The following GRM7 variants were observed in gnomAD, a reference collection of about 807,000 sequenced individuals.
The protein encoded by GRM7 is metabotropic glutamate receptor 7.
A neutral mutation model predicts 84.5 loss-of-function variants in GRM7; 35 were observed. The observed-to-expected ratio is 0.41, with a 90% CI of 0.32 to 0.55. The LOEUF (loss-of-function observed/expected upper bound fraction) is 0.55. GRM7 is among the 20% of genes least tolerant of loss of function. GRM7 has a pLI of 0.19. For synonymous variants in GRM7, 487 were observed against 455.1 expected, an observed-to-expected ratio of 1.07 and a Z score of -0.89; for missense variants, 1,003 against 1,194.6, an observed-to-expected ratio of 0.84 and a Z score of 2.36.
chr3:6,869,702 A>G lies in GRM7; in HGVS notation c.519+7795A>G, dbSNP rs114419488. 6.6e-3 allele frequency among the ~76,000 whole-genome samples: 1,003 copies of G among 152,250 alleles called. 11 individuals are homozygous for G. The highest frequency in any genetic ancestry group is 0.023 in the African/African-American group (937 of 41,538). On this transcript the variant is annotated intron_variant, in intron 1 of 9. Coordinates refer to ENST00000357716, the MANE Select transcript of GRM7 (RefSeq NM_000844.4). ...ACACACACACGTGCACAGAGAGAAC[A>G]TTTTAGTGACGTTACTCAGTGGAAT...
At chr3:7,108,671 G>C (rs1260784441) in intron 1 of GRM7, among the ~76,000 whole-genome samples, 1 of 152,016 alleles carries the variant, frequency 6.6e-6, no homozygotes, top group Non-Finnish European at 1.5e-5. Context: ...CACCACACCA[G>C]ATTAGAGGCC....
At chr3:6,896,970 G>A (rs1472585701) in intron 1 of GRM7, among the ~76,000 whole-genome samples, 1 of 152,146 alleles carries the variant, frequency 6.6e-6, no homozygotes, top group Non-Finnish European at 1.5e-5. Flanking sequence ...TTATTTGTTT[G>A]CCTAAGTGTT....
At chr3:7,327,638 T>G (rs1343597384) in intron 4 of GRM7, among the ~76,000 whole-genome samples, 1 of 152,220 alleles carries the variant, frequency 6.6e-6, no homozygotes, top group Non-Finnish European at 1.5e-5. Context: ...ATTCCTAAAA[T>G]TGGAAGGCAG....
intron 2 of GRM7, among the ~76,000 whole-genome samples, chr3:7,236,101 G>C (rs980006913): frequency 2.0e-5 from 3 of 152,036 alleles, no homozygotes; most frequent in African/African-American, 7.3e-5. Flanking sequence ...GGACTAACTG[G>C]CTCCCTCCTC....
At chr3:7,472,536 C>G (rs1031250823) in intron 7 of GRM7, among the ~76,000 whole-genome samples, 1 of 152,178 alleles carries the variant, frequency 6.6e-6, no homozygotes, top group Non-Finnish European at 1.5e-5. Context: ...GTAAGTGATG[C>G]TAACATCATA....
intron 8 of GRM7, among the ~76,000 whole-genome samples, chr3:7,621,039 T>C (rs1697332943): frequency 6.6e-6 from 1 of 152,136 alleles, no homozygotes; most frequent in Admixed American, 6.6e-5. Flanking sequence ...CTCCTTTTTA[T>C]ACTGTAGAAA....
At position 7,238,992 on chromosome 3, in the gene GRM7, T is replaced by C. The variant is rs1575068447; in HGVS notation, c.737-59692T>C. 2.9e-5 allele frequency among the ~76,000 whole-genome samples: 3 copies of C among 102,240 alleles called. No individual in the cohort carries two copies. The East Asian group carries it at 8.6e-4, about 29-fold the overall frequency. 67.1% of individuals were successfully genotyped at this position (102,240 alleles called of 152,430 possible). On this transcript the variant is annotated intron_variant, in intron 2 of 9. Transcript: ENST00000357716. Reference sequence around the variant, plus strand: ...ATTATTCTTTTCCCTTTCTTTTCTTTTTTCCTTTTTCTTTTTTTTGACATG... The same window carrying C: ...ATTATTCTTTTCCCTTTCTTTTCTTCTTTCCTTTTTCTTTTTTTTGACATG...
chr3:6,965,786 C>T (rs180955384), intron 1 of GRM7, among the ~76,000 whole-genome samples: 1 of 152,280 alleles, frequency 6.6e-6, no homozygotes, highest in Non-Finnish European at 1.5e-5. Flanking sequence ...CTTTTCAATG[C>T]TCTCTGGGGA....
At chr3:7,374,482 A>T (rs7615555) in intron 4 of GRM7, among the ~76,000 whole-genome samples, 1 of 151,028 alleles carries the variant, frequency 6.6e-6, no homozygotes, top group Non-Finnish European at 1.5e-5. Flanking sequence ...TATCATTATT[A>T]TTATTATTAT....
intron 7 of GRM7, among the ~76,000 whole-genome samples, chr3:7,559,917 C>A (rs1693937855): frequency 6.6e-6 from 1 of 152,100 alleles, no homozygotes; most frequent in South Asian, 2.1e-4. Flanking sequence ...CCTTTCCTAT[C>A]TCCTCACCTT....
intron 1 of GRM7, among the ~76,000 whole-genome samples, chr3:6,936,264 C>T (rs1392246287): frequency 6.6e-6 from 1 of 152,208 alleles, no homozygotes; most frequent in African/African-American, 2.4e-5. Context: ...CAGGTCCCAT[C>T]AAGAGGTTCT....
At chr3:7,386,603 T>C (rs1465397359) in intron 4 of GRM7, among the ~76,000 whole-genome samples, 2 of 152,218 alleles carry the variant, frequency 1.3e-5, no homozygotes, top group Non-Finnish European at 2.9e-5. Context: ...AAGGACATGA[T>C]TTCATTCTTC....
intron 9 of GRM7, among the ~76,000 whole-genome samples, chr3:7,710,783 G>A (rs1701553534): frequency 6.6e-6 from 1 of 152,106 alleles, no homozygotes. Flanking sequence ...TCTTGCCCTA[G>A]TCTTATCTCC....
intron 1 of GRM7, among the ~76,000 whole-genome samples, chr3:6,968,880 A>G (rs1419052439): frequency 1.3e-5 from 2 of 152,218 alleles, no homozygotes; most frequent in Non-Finnish European, 2.9e-5. Context: ...TCTGTAGAAT[A>G]TGAGCCCAGG....
At chr3:7,267,253 A>G (rs540144126) in intron 2 of GRM7, among the ~76,000 whole-genome samples, 1 of 152,210 alleles carries the variant, frequency 6.6e-6, no homozygotes. Flanking sequence ...ATTAGGCCCA[A>G]CTCACTGTCT....
At chr3:7,684,329 C>G (rs973671432) in intron 9 of GRM7, among the ~76,000 whole-genome samples, 10 of 152,136 alleles carry the variant, frequency 6.6e-5, no homozygotes, top group Non-Finnish European at 1.3e-4. Flanking sequence ...TGGGCAAATT[C>G]TGTACAATAT....
chr3:7,074,346 T>A (rs1697989537), intron 1 of GRM7, among the ~76,000 whole-genome samples: 1 of 152,076 alleles, frequency 6.6e-6, no homozygotes, highest in Non-Finnish European at 1.5e-5. Flanking sequence ...CCATAAGATG[T>A]GGCAAGCTTA....
At chr3:7,412,080 T>G (rs1296237663) in intron 4 of GRM7, among the ~76,000 whole-genome samples, 1 of 152,016 alleles carries the variant, frequency 6.6e-6, no homozygotes, top group Non-Finnish European at 1.5e-5. Context: ...CCTTTTGTTC[T>G]TTTTATTAAT....
chr3:7,350,824 G>C (rs1203762810), intron 4 of GRM7, among the ~76,000 whole-genome samples: 1 of 151,964 alleles, frequency 6.6e-6, no homozygotes, highest in Non-Finnish European at 1.5e-5. Context: ...ACCAGAGAAC[G>C]TCCTGTCACA....
Sources: gnomAD v4.1 joint callset for allele counts (sites outside exome capture counted in the v4.1 genomes callset) on GRCh38, gnomAD v4.1.1 for gene constraint, MANE v1.5 for transcripts, NCBI Gene and HGNC (gene_info 2026-07-23, HGNC 2026-07-21) for gene names.